The following NFATC3 variants were observed in gnomAD, a reference collection of about 807,000 sequenced individuals.
NFATC3 encodes nuclear factor of activated T cells 3.
In NFATC3, 46 loss-of-function variants were observed where a neutral mutation model predicts 98.6. The observed-to-expected ratio is 0.47, with a 90% CI of 0.37 to 0.60. The LOEUF is 0.60. Ranked by LOEUF, NFATC3 falls within the 20% of genes least tolerant of loss-of-function variation. NFATC3 has a pLI of 0.00. For synonymous variants in NFATC3, 512 were observed against 472.2 expected (o/e 1.08, Z -1.09); for missense variants, 1,256 against 1,295.5 (o/e 0.97, Z 0.47).
At chr16:68,206,412 C>T (rs1008229078) in intron 9 of NFATC3, among the ~76,000 whole-genome samples, 2 of 152,130 alleles carry the variant, frequency 1.3e-5, no homozygotes, top group African/African-American at 4.8e-5. Flanking sequence ...TCCCGTCCTC[C>T]CAGCCCCTGG....
intron 1 of NFATC3, among the ~76,000 whole-genome samples, chr16:68,116,044 A>G (rs1466141789): frequency 6.6e-6 from 1 of 152,126 alleles, no homozygotes; most frequent in Non-Finnish European, 1.5e-5. Flanking sequence ...GGGGTAGTAC[A>G]TGTGGTCCCT....
At chr16:68,164,079 G>A (rs1196898541) in intron 4 of NFATC3, among the ~76,000 whole-genome samples, 1 of 152,162 alleles carries the variant, frequency 6.6e-6, no homozygotes, top group Non-Finnish European at 1.5e-5. Context: ...GTAGCGAGCC[G>A]AGATCACGCC....
intron 9 of NFATC3, among the ~76,000 whole-genome samples, chr16:68,192,719 C>T (rs1347463076): frequency 1.3e-5 from 2 of 152,028 alleles, no homozygotes; most frequent in Non-Finnish European, 2.9e-5. Flanking sequence ...AAAAATTAGC[C>T]AGGCATAGTG....
Position 68,105,986 on chromosome 16 carries a change from C to A in NFATC3, c.104-16001C>A, listed in dbSNP as rs1197851965. On this transcript the variant is annotated intron_variant, in intron 1 of 9. Coordinates refer to ENST00000346183, the MANE Select transcript of NFATC3 (RefSeq NM_173165.3). ...CTCCGCTTCCTGGGTTCAGGCGATTCTCCTGCCTCAGCCTCCCTAGTAGCT... is the reference window on the plus strand; with the variant it reads ...CTCCGCTTCCTGGGTTCAGGCGATTATCCTGCCTCAGCCTCCCTAGTAGCT... Among the ~76,000 whole-genome samples the A allele has an allele frequency of 2.6e-5, 4 of 152,138 alleles. No homozygotes were observed. In the East Asian group the frequency reaches 5.8e-4, roughly 22 times the overall value.
intron 9 of NFATC3, among the ~76,000 whole-genome samples, chr16:68,205,027 G>A (rs1322279553): frequency 6.7e-6 from 1 of 148,872 alleles, no homozygotes; most frequent in Non-Finnish European, 1.5e-5. Flanking sequence ...CATTTCCAAA[G>A]CCTACAGTTA....
chr16:68,094,678 G>A (rs2034912549), intron 1 of NFATC3, among the ~76,000 whole-genome samples: 1 of 152,132 alleles, frequency 6.6e-6, no homozygotes, highest in South Asian at 2.1e-4. Context: ...TGTCATACAT[G>A]TTACCTAGTA....
At chr16:68,212,785 CTTTTTTTTTTTT>C (rs534732425) in intron 9 of NFATC3, 58 of 106,938 alleles carry the variant, frequency 5.4e-4, no homozygotes, top group African/African-American at 2.1e-3. Flanking sequence ...ATTTCTTTCT[CTTTTTTTTTTTT>C]TTTTTTTTTT....
At chr16:68,210,616 A>C (rs2041347079) in intron 9 of NFATC3, among the ~76,000 whole-genome samples, 1 of 152,004 alleles carries the variant, frequency 6.6e-6, no homozygotes, top group African/African-American at 2.4e-5. Context: ...TGTTCAACTA[A>C]TTTGGCATAT....
intron 4 of NFATC3, among the ~76,000 whole-genome samples, chr16:68,158,544 T>TGA (rs2038727534): frequency 6.6e-6 from 1 of 152,222 alleles, no homozygotes; most frequent in South Asian, 2.1e-4. Context: ...AATAGAAACC[T>TGA]GATATGCAGT....
chr16:68,208,728 C>CAA (rs58876674), intron 9 of NFATC3, among the ~76,000 whole-genome samples: 58 of 142,774 alleles, frequency 4.1e-4, no homozygotes, highest in African/African-American at 1.0e-3. Flanking sequence ...AAAAACAAAC[C>CAA]AAAAAAAAAA....
chr16:68,137,981 T>C, intron 3 of NFATC3, among the ~76,000 whole-genome samples: 1 of 152,066 alleles, frequency 6.6e-6, no homozygotes, highest in Non-Finnish European at 1.5e-5. Context: ...ATAAACTCTT[T>C]TAGAAAGCCT....
intron 1 of NFATC3, chr16:68,089,434 T>G (rs1420476101): frequency 3.4e-6 from 1 of 291,256 alleles, no homozygotes; most frequent in Non-Finnish European, 5.1e-6. Context: ...GTCAGCTTTC[T>G]TATTTATTTA....
At chr16:68,142,772 A>G (rs1452473437) in intron 3 of NFATC3, among the ~76,000 whole-genome samples, 2 of 152,046 alleles carry the variant, frequency 1.3e-5, no homozygotes, top group Non-Finnish European at 2.9e-5. Context: ...AGAAAAAAAA[A>G]AATCTAGGAG....
At chr16:68,180,624 A>G (rs1171502394) in intron 6 of NFATC3, among the ~76,000 whole-genome samples, 1 of 152,088 alleles carries the variant, frequency 6.6e-6, no homozygotes, top group Non-Finnish European at 1.5e-5. Context: ...TACATTAGAT[A>G]TATCTCCTAA....
At chr16:68,146,723 C>G (rs1475295256) in intron 3 of NFATC3, among the ~76,000 whole-genome samples, 1 of 152,216 alleles carries the variant, frequency 6.6e-6, no homozygotes, top group Non-Finnish European at 1.5e-5. Flanking sequence ...CTGTAGTGAC[C>G]TTCAGGCTTT....
Position 68,122,581 on chromosome 16 carries a change from A to G in NFATC3, c.698A>G (p.His233Arg). The change falls in exon 2 of 10, where the codon CAC (histidine) becomes CGC (arginine). Residue 233 changes from histidine to arginine, a missense_variant. Physicochemically the swap from His to Arg is conservative, Grantham distance 29 (BLOSUM62 0). Coordinates refer to ENST00000346183, the MANE Select transcript of NFATC3 (RefSeq NM_173165.3). The stretch of plus-strand genomic sequence containing the variant: ...TGGCATCAACAGTATGGACTTGGAC[A>G]CTCATTATCACCCAGGCAATCTCCT... ...ETWHQQYGLG[H>R]SLSPRQSPCH... 1.2e-6 allele frequency: 2 copies of G among 1,613,940 alleles called. No individual in the cohort carries two copies. Among genetic ancestry groups the G allele is most frequent in the Non-Finnish European group, 1.7e-6 (2 of 1,179,996 alleles).
chr16:68,134,145 CTT>C (rs917490219), intron 3 of NFATC3, among the ~76,000 whole-genome samples: 13 of 152,112 alleles, frequency 8.5e-5, no homozygotes, highest in South Asian at 2.1e-4. Flanking sequence ...TATTGAACAT[CTT>C]AACATATTTA....
At chr16:68,165,072 C>G (rs1598483253) in intron 4 of NFATC3, among the ~76,000 whole-genome samples, 1 of 152,026 alleles carries the variant, frequency 6.6e-6, no homozygotes, top group East Asian at 1.9e-4. Flanking sequence ...TAGTTTGCTG[C>G]TAGTATGCCT....
At chr16:68,117,995 C>T (rs1335670388) in intron 1 of NFATC3, among the ~76,000 whole-genome samples, 2 of 152,186 alleles carry the variant, frequency 1.3e-5, no homozygotes, top group Non-Finnish European at 2.9e-5. Flanking sequence ...AAAGCCCTTA[C>T]TACAGTTCTT....
Sources: gnomAD v4.1 joint callset for allele counts (sites outside exome capture counted in the v4.1 genomes callset) on GRCh38, gnomAD v4.1.1 for gene constraint, MANE v1.5 for transcripts, NCBI Gene and HGNC (gene_info 2026-07-23, HGNC 2026-07-21) for gene names.